The following TCF7L1 variants were observed in gnomAD, a reference collection of about 807,000 sequenced individuals.
The protein encoded by TCF7L1 is transcription factor 7-like 1.
A neutral mutation model predicts 63.7 loss-of-function variants in TCF7L1; 18 were observed. The ratio of observed to expected loss-of-function variants is 0.28; its 90% CI spans 0.20 to 0.42. The LOEUF (loss-of-function observed/expected upper bound fraction) is 0.42, where lower values mean the gene tolerates loss of function less well. Ranked by LOEUF, TCF7L1 falls within the 10% of genes least tolerant of loss-of-function variation. The pLI is 1.00. For synonymous variants in TCF7L1, 355 were observed against 340.9 expected, an observed-to-expected ratio of 1.04 and a Z score of -0.46; for missense variants, 654 against 779.3, an observed-to-expected ratio of 0.84 and a Z score of 1.91.
At chr2:85,278,772 G>A (rs921136689) in intron 3 of TCF7L1, among the ~76,000 whole-genome samples, 2 of 152,234 alleles carry the variant, frequency 1.3e-5, no homozygotes, top group African/African-American at 4.8e-5. Context: ...GGAAAACTGT[G>A]TATCTGTCCT....
chr2:85,172,193 C>A (rs17711688), intron 3 of TCF7L1, among the ~76,000 whole-genome samples: 5,123 of 152,280 alleles, frequency 0.034, 134 homozygotes, highest in Admixed American at 0.088. Flanking sequence ...GGTATACCAA[C>A]AAGCATCAGA....
At chr2:85,267,733 C>A (rs572147800) in intron 3 of TCF7L1, among the ~76,000 whole-genome samples, 4 of 151,970 alleles carry the variant, frequency 2.6e-5, no homozygotes, top group African/African-American at 7.2e-5. Flanking sequence ...CTTAATCCCT[C>A]CATCTGTTAA....
intron 3 of TCF7L1, among the ~76,000 whole-genome samples, chr2:85,259,730 A>G (rs906512484): frequency 1.7e-4 from 26 of 152,322 alleles, no homozygotes; most frequent in African/African-American, 6.0e-4. Flanking sequence ...ACAATTTTTT[A>G]AAGTTGAATT....
intron 3 of TCF7L1, among the ~76,000 whole-genome samples, chr2:85,174,019 GCCA>G (rs1678619807): frequency 6.6e-6 from 1 of 152,172 alleles, no homozygotes; most frequent in Admixed American, 6.5e-5. Context: ...ACATGCGTGA[GCCA>G]CCGCGCCCGG....
intron 4 of TCF7L1, among the ~76,000 whole-genome samples, chr2:85,287,866 C>T (rs1681600760): frequency 6.6e-6 from 1 of 152,092 alleles, no homozygotes; most frequent in East Asian, 1.9e-4. Flanking sequence ...AATCCCAGAT[C>T]CACCTCTTTC....
intron 3 of TCF7L1, among the ~76,000 whole-genome samples, chr2:85,251,572 C>T (rs1197955230): frequency 1.3e-5 from 2 of 152,154 alleles, no homozygotes; most frequent in Non-Finnish European, 2.9e-5. Flanking sequence ...GGCTGTTTAC[C>T]TCTTCAGGAC....
chr2:85,240,776 CAA>C (rs397974438), intron 3 of TCF7L1, among the ~76,000 whole-genome samples: 36 of 95,708 alleles, frequency 3.8e-4, no homozygotes, highest in Admixed American at 3.6e-4. Context: ...ACTCTTGCCT[CAA>C]AAAAAAAAAA....
In TCF7L1 at chr2:85,306,878, A is replaced by T. The variant is rs1298413515; in HGVS notation, c.1257+319A>T. Among the ~76,000 whole-genome samples the T allele has an allele frequency of 6.6e-6, 1 of 152,084 alleles. No individual in the cohort carries two copies. The highest frequency in any genetic ancestry group is 1.5e-5 in the Non-Finnish European group (1 of 68,014). ...ACGGGGTTTCACTGTGTTAACCAGG[A>T]TGGTCTCGAGCTCCTGACCTCGTGA... On this transcript the variant is annotated intron_variant, in intron 10 of 11. Transcript: ENST00000282111. The surrounding 1 kb of genome is among the most constrained non-coding windows in gnomAD (Gnocchi z 4.3).
intron 3 of TCF7L1, among the ~76,000 whole-genome samples, chr2:85,164,016 T>G (rs1678352856): frequency 6.6e-6 from 1 of 152,186 alleles, no homozygotes; most frequent in African/African-American, 2.4e-5. Flanking sequence ...CCAACATAAC[T>G]TTTTTTGTTG....
intron 3 of TCF7L1, among the ~76,000 whole-genome samples, chr2:85,243,289 G>C (rs1442340217): frequency 1.3e-5 from 2 of 152,192 alleles, no homozygotes; most frequent in African/African-American, 4.8e-5. Context: ...ACCCAGAGGT[G>C]GGAGCAGATC....
At chr2:85,168,719 T>C (rs1006102437) in intron 3 of TCF7L1, among the ~76,000 whole-genome samples, 1 of 152,014 alleles carries the variant, frequency 6.6e-6, no homozygotes, top group Non-Finnish European at 1.5e-5. Context: ...CCTCCCGGAA[T>C]CAAGTGATTC....
Position 85,309,719 on chromosome 2 carries a change from T to C in TCF7L1, c.*257T>C, listed in dbSNP as rs1227298534. ...GAAAAGTAGCGTGCTATTCGTCCTG[T>C]AGGTGCTGTGGTGGATGGACCTGGG... On this transcript the variant is annotated 3_prime_UTR_variant, in exon 12 of 12. Transcript: ENST00000282111. The C allele has an allele frequency of 4.9e-6, 2 of 405,874 alleles. No homozygotes were observed. Among genetic ancestry groups the C allele is most frequent in the Non-Finnish European group, 8.7e-6 (2 of 229,490 alleles). 25.1% of individuals were successfully genotyped at this position (405,874 alleles called of 1,614,324 possible).
chr2:85,306,372 C>A lies in TCF7L1; in HGVS notation c.1149+7C>A. The A allele has an allele frequency of 1.2e-6, 2 of 1,613,742 alleles. No individual in the cohort carries two copies. The highest frequency in any genetic ancestry group is 1.7e-4 in the Middle Eastern group (1 of 6,060). On this transcript the variant is annotated splice_region_variant and intron_variant, in intron 9 of 11. Coordinates refer to ENST00000282111, the MANE Select transcript of TCF7L1 (RefSeq NM_031283.3). This position sits in a 1 kb window ranked among gnomAD's most constrained non-coding sequence, Gnocchi z 4.3. ...CCAGATCCTTGGAAGAAAGGTAAGA[C>A]CTGCCCTCTCCCTCCAGGCCAGGGA...
chr2:85,135,467 G>C (rs568761259), intron 3 of TCF7L1, among the ~76,000 whole-genome samples: 1 of 152,320 alleles, frequency 6.6e-6, no homozygotes, highest in South Asian at 2.1e-4. Flanking sequence ...CTTCGCTGTC[G>C]ACGGTGGGTA....
intron 3 of TCF7L1, among the ~76,000 whole-genome samples, chr2:85,165,561 C>G (rs1315549645): frequency 6.6e-6 from 1 of 152,196 alleles, no homozygotes; most frequent in East Asian, 1.9e-4. Context: ...TTCCAGTGCC[C>G]GAGTGGCGTG....
At chr2:85,301,031 T>C (rs1283318871) in intron 4 of TCF7L1, among the ~76,000 whole-genome samples, 1 of 152,190 alleles carries the variant, frequency 6.6e-6, no homozygotes, top group African/African-American at 2.4e-5. Context: ...CTGCCCGCCT[T>C]GGCCTCCCAA....
At position 85,261,123 on chromosome 2, in the gene TCF7L1, G is replaced by GGGGTGT. The variant is rs1194613521; in HGVS notation, c.442-22371_442-22370insGGTGTG. ...TTCAATTACTTCCTCAATTATTGCTGGTGTGTGTGTGTGTGTGTGTGTGTG... is the reference window on the plus strand; with the variant it reads ...TTCAATTACTTCCTCAATTATTGCTGGGGTGTGTGTGTGTGTGTGTGTGTGTGTGTG... On this transcript the variant is annotated intron_variant, in intron 3 of 11. Transcript: ENST00000282111. Among the ~76,000 whole-genome samples, 257 of 106,774 alleles carry GGGGTGT rather than the reference G, an allele frequency of 2.4e-3. 1 individual carries two copies. Among genetic ancestry groups the GGGGTGT allele is most frequent in the Non-Finnish European group, 4.0e-3 (182 of 45,700 alleles). 70.0% of individuals were successfully genotyped at this position (106,774 alleles called of 152,430 possible).
intron 4 of TCF7L1, among the ~76,000 whole-genome samples, chr2:85,300,612 G>T (rs1266813989): frequency 6.6e-6 from 1 of 152,016 alleles, no homozygotes; most frequent in Non-Finnish European, 1.5e-5. Context: ...TGAGCTCAAG[G>T]ATACCCAGGA....
chr2:85,284,609 A>G (rs1681499364), intron 4 of TCF7L1, among the ~76,000 whole-genome samples: 1 of 152,160 alleles, frequency 6.6e-6, no homozygotes, highest in African/African-American at 2.4e-5. Flanking sequence ...CTTAAGATGC[A>G]CTCACCCCAC....
Sources: allele counts gnomAD v4.1 joint callset (sites outside exome capture counted in the v4.1 genomes callset), GRCh38; gene constraint gnomAD v4.1.1; non-coding constraint Gnocchi (gnomAD v3.1); transcripts MANE v1.5; gene names NCBI Gene and HGNC (gene_info 2026-07-23, HGNC 2026-07-21).